Variants in CRAMP1 observed in about 807,000 individuals in gnomAD.
The protein encoded by CRAMP1 is cramped chromatin regulator 1.
Under a neutral mutation model 115.4 loss-of-function variants are expected in CRAMP1, and 50 were observed. The observed-to-expected ratio is 0.43, with a 90% CI of 0.35 to 0.55. CRAMP1 has a LOEUF of 0.55. Ranked by LOEUF, CRAMP1 falls within the 20% of genes least tolerant of loss-of-function variation. CRAMP1 has a pLI of 0.01. For synonymous variants in CRAMP1, 866 were observed against 745.4 expected, an observed-to-expected ratio of 1.16 and a Z score of -2.64; for missense variants, 1,679 against 1,721.7, an observed-to-expected ratio of 0.98 and a Z score of 0.44.
At position 1,677,102 on chromosome 16, in the gene CRAMP1, C is replaced by T. The variant is rs370977498; in HGVS notation, c.*3057C>T. On this transcript the variant is annotated 3_prime_UTR_variant, in exon 21 of 21. Coordinates refer to ENST00000397412, the MANE Select transcript of CRAMP1 (RefSeq NM_020825.4). Reference sequence around the variant, plus strand: ...TTGTGTTTTCTCTTTAAACCTTGAGCTCTAGCCGATGCATTTGTCAGGAAA... The same window carrying T: ...TTGTGTTTTCTCTTTAAACCTTGAGTTCTAGCCGATGCATTTGTCAGGAAA... 3.3e-5 allele frequency: 5 copies of T among 152,658 alleles called. No individual in the cohort carries two copies. The highest frequency in any genetic ancestry group is 1.2e-4 in the African/African-American group (5 of 41,454). 9.5% of individuals were successfully genotyped at this position (152,658 alleles called of 1,614,324 possible).
At position 1,667,382 on chromosome 16, in the gene CRAMP1, A is replaced by C. The variant is rs771960344; in HGVS notation, c.3084A>C (p.Pro1028=). 1.2e-6 allele frequency: 2 copies of C among 1,612,884 alleles called. No homozygotes were observed. Among genetic ancestry groups the C allele is most frequent in the African/African-American group, 2.7e-5 (2 of 74,910 alleles). ...VSIPSRPEQE[P]VADSFQGSSV... is the part of the protein sequence containing the mutation. ...TCCCTTCGAGGCCTGAGCAGGAGCC[A>C]GTGGCAGACAGTTTCCAGGTAGAGT... is the stretch of plus-strand genomic sequence containing the variant. Residue 1028 remains proline, a synonymous_variant, in exon 17 of 21, where the codon CCA becomes CCC. Transcript: ENST00000397412.
intron 4 of CRAMP1, among the ~76,000 whole-genome samples, chr16:1,632,814 T>C (rs1235417018): frequency 2.6e-5 from 4 of 152,224 alleles, no homozygotes; most frequent in Non-Finnish European, 5.9e-5. Flanking sequence ...CAGGTCTGCG[T>C]CGGCCCTCGT....
intron 3 of CRAMP1, among the ~76,000 whole-genome samples, chr16:1,630,397 T>C (rs2036540018): frequency 6.6e-6 from 1 of 152,126 alleles, no homozygotes; most frequent in Admixed American, 6.5e-5. Flanking sequence ...AGCAATTCTC[T>C]CACCTCAGCC....
chr16:1,652,387 T>C, intron 6 of CRAMP1, 109 bp from the exon 7 acceptor site: 1 of 901,284 alleles, frequency 1.1e-6, no homozygotes, highest in African/African-American at 1.7e-5. Context: ...CTGGGGTGGA[T>C]GCTTGGCCAG....
Position 1,614,812 on chromosome 16 carries a change from GC to G in CRAMP1, c.180del (p.Ala61ArgfsTer86). The G allele has an allele frequency of 1.3e-5, 16 of 1,265,348 alleles. No homozygotes were observed. Among genetic ancestry groups the G allele is most frequent in the South Asian group, 3.5e-5 (1 of 28,964 alleles). The allele number at this position is 1,265,348 out of a possible 1,614,324, so 78.4% of individuals were successfully genotyped here. A position where few individuals can be genotyped will look rare whatever the true frequency, so the allele number is the denominator to read the frequency against. ...DEKTPRAGAD[G>X]PPAPPGAPQA... is the part of the protein sequence containing the mutation. Reference sequence around the variant, plus strand: ...AAGACCCCCCGGGCCGGCGCCGACGGCCCCCCCGCGCCCCCCGGCGCGCCGC... The same window carrying G: ...AAGACCCCCCGGGCCGGCGCCGACGGCCCCCCGCGCCCCCCGGCGCGCCGC... On this transcript the variant is annotated frameshift_variant, in exon 2 of 21. Coordinates refer to ENST00000397412, the MANE Select transcript of CRAMP1 (RefSeq NM_020825.4). LOFTEE classifies it high-confidence loss of function. This position sits in a 1 kb window ranked among gnomAD's most constrained non-coding sequence, Gnocchi z 4.4.
Position 1,674,038 on chromosome 16 carries a change from C to T in CRAMP1, c.3803C>T (p.Ser1268Phe). 5 of 1,611,820 alleles carry T rather than the reference C, an allele frequency of 3.1e-6. No individual in the cohort carries two copies. Among genetic ancestry groups the T allele is most frequent in the Non-Finnish European group, 4.2e-6 (5 of 1,179,754 alleles). ...GGCGGCCCCGCTGTCAGTGACCTGT[C>T]CCAGTGACCACACGTCCTGGTGGCG... Reference protein sequence around the residue: ...GGGGPAVSDLSQ With the variant: ...GGGGPAVSDLFQ Residue 1268 changes from serine (S) to phenylalanine (F), a missense_variant, in exon 21 of 21, where the codon TCC (serine) becomes TTC (phenylalanine). Physicochemically the swap from Ser to Phe is radical, Grantham distance 155. Coordinates refer to ENST00000397412, the MANE Select transcript of CRAMP1 (RefSeq NM_020825.4).
intron 5 of CRAMP1, among the ~76,000 whole-genome samples, chr16:1,640,003 A>AG (rs2036618926): frequency 6.6e-6 from 1 of 152,012 alleles, no homozygotes; most frequent in Non-Finnish European, 1.5e-5. Flanking sequence ...GGAGCAGGAG[A>AG]GGTGGGGCAC....
intron 6 of CRAMP1, among the ~76,000 whole-genome samples, chr16:1,647,914 A>C (rs1206364290): frequency 6.6e-6 from 1 of 151,000 alleles, no homozygotes. Context: ...TGGTGCGAGG[A>C]TGGGGAGGTA....
chr16:1,656,759 C>T lies in CRAMP1; in HGVS notation c.2002C>T (p.Arg668Trp), dbSNP rs774942675. The change falls in exon 10 of 21, where the codon CGG becomes TGG. Residue 668 changes from arginine to tryptophan, a missense_variant. Arg to Trp is a moderately radical substitution (Grantham distance 101). Transcript: ENST00000397412. This position sits in a 1 kb window ranked among gnomAD's most constrained non-coding sequence, Gnocchi z 5.6. ...ARPPKEVPAS[R>W]LAQQLREEGW... ...GCCCCCGAAGGAGGTCCCCGCCAGC[C>T]GGCTGGCTCAGCAGCTCCGTGAGGA... is the stretch of plus-strand genomic sequence containing the variant. 15 of 1,548,276 alleles carry T rather than the reference C, an allele frequency of 9.7e-6. No individual in the cohort carries two copies. The highest frequency in any genetic ancestry group is 1.7e-4 in the Middle Eastern group (1 of 5,958).
chr16:1,625,353 G>T (rs1366470947), intron 2 of CRAMP1, among the ~76,000 whole-genome samples: 1 of 152,184 alleles, frequency 6.6e-6, no homozygotes, highest in African/African-American at 2.4e-5. Flanking sequence ...CTTGGCATGA[G>T]ATTGGGAACT....
rs1479085233 is a variant in CRAMP1, at chr16:1,674,038, C to G, written c.3803C>G (p.Ser1268Cys). ...GGGGPAVSDL[S>C]Q Reference sequence around the variant, plus strand: ...GGCGGCCCCGCTGTCAGTGACCTGTCCCAGTGACCACACGTCCTGGTGGCG... The same window carrying G: ...GGCGGCCCCGCTGTCAGTGACCTGTGCCAGTGACCACACGTCCTGGTGGCG... The change falls in exon 21 of 21, where the codon TCC (serine) becomes TGC (cysteine). Residue 1268 changes from serine to cysteine, a missense_variant. Physicochemically the swap from Ser to Cys is moderately radical, Grantham distance 112 (BLOSUM62 -1). Around this residue, in one of 8 missense-constraint regions of CRAMP1, gnomAD observed 709 missense variants for 741.9 expected, o/e 0.96. Transcript: ENST00000397412. 2 of 1,611,820 alleles carry G rather than the reference C, an allele frequency of 1.2e-6. No homozygotes were observed. Among genetic ancestry groups the G allele is most frequent in the Admixed American group, 1.7e-5 (1 of 59,966 alleles).
intron 2 of CRAMP1, among the ~76,000 whole-genome samples, chr16:1,623,839 T>G (rs1197117881): frequency 6.6e-6 from 1 of 152,170 alleles, no homozygotes. Context: ...CCAGGTTTGG[T>G]GAGGAATGGG....
rs143938401 is a variant in CRAMP1, at chr16:1,659,722, G to A, written c.2236-164G>A. On this transcript the variant is annotated intron_variant, in intron 10 of 20. Transcript: ENST00000397412. The stretch of plus-strand genomic sequence containing the variant: ...TTTTAAAACTGGCAAGCTGCCAAGC[G>A]ACTCTGGGGACACTGAGGTTGGGCG... Among the ~76,000 whole-genome samples the A allele has an allele frequency of 4.6e-5, 7 of 152,318 alleles. No individual in the cohort carries two copies. The East Asian group carries it at 1.2e-3, about 25-fold the overall frequency.
chr16:1,619,948 A>G (rs1273427763), intron 2 of CRAMP1, among the ~76,000 whole-genome samples: 1 of 152,216 alleles, frequency 6.6e-6, no homozygotes, highest in East Asian at 1.9e-4. Flanking sequence ...ATGCGAGGTC[A>G]GGAGGGGTCC....
chr16:1,663,367 G>C (rs574672707), intron 13 of CRAMP1, among the ~76,000 whole-genome samples: 2 of 152,172 alleles, frequency 1.3e-5, no homozygotes, highest in Non-Finnish European at 2.9e-5. Flanking sequence ...TGTTATTTTG[G>C]ATTCATGCAC....
intron 7 of CRAMP1, among the ~76,000 whole-genome samples, 194 bp downstream of exon 7, chr16:1,652,775 A>G (rs759352632): frequency 6.6e-6 from 1 of 152,230 alleles, no homozygotes; most frequent in Non-Finnish European, 1.5e-5. Flanking sequence ...GCTCAGAGCC[A>G]TGGCAGCAGT....
At chr16:1,615,762 T>TA (rs1356509781) in intron 2 of CRAMP1, among the ~76,000 whole-genome samples, 2 of 152,238 alleles carry the variant, frequency 1.3e-5, no homozygotes, top group African/African-American at 4.8e-5. Flanking sequence ...TGCTTTTCCT[T>TA]ACGCAGGTGA....
At chr16:1,630,544 G>C (rs8063636) in intron 3 of CRAMP1, among the ~76,000 whole-genome samples, 12,635 of 152,150 alleles carry the variant, frequency 0.083, 588 homozygotes, top group African/African-American at 0.11. Flanking sequence ...ACAGCATTAG[G>C]GCAGCCGCAC....
chr16:1,673,803 T>C, intron 20 of CRAMP1, 78 bp from the exon 21 acceptor site: 1 of 1,390,396 alleles, frequency 7.2e-7, no homozygotes, highest in Non-Finnish European at 1.0e-6. Context: ...GAGCTTCTCG[T>C]CCTGTTTCAG....
Sources: gnomAD v4.1 joint callset for allele counts (sites outside exome capture counted in the v4.1 genomes callset) on GRCh38, gnomAD v4.1.1 for gene constraint, gnomAD v4.1.1 regional missense constraint, Gnocchi (gnomAD v3.1) non-coding constraint, MANE v1.5 for transcripts, NCBI Gene and HGNC (gene_info 2026-07-23, HGNC 2026-07-21) for gene names.